Variants in BICC1 observed in about 807,000 individuals in gnomAD.
BICC1 encodes BicC family RNA binding protein 1.
A neutral mutation model predicts 111.0 loss-of-function variants in BICC1; 43 were observed. The ratio of observed to expected loss-of-function variants is 0.39; its 90% confidence interval spans 0.30 to 0.50. The LOEUF (loss-of-function observed/expected upper bound fraction) is 0.50, where lower values mean the gene tolerates loss of function less well. Among genes scored for constraint, BICC1 ranks in the 20% least tolerant of loss-of-function variants. The probability of loss-of-function intolerance (pLI) is 0.88; values close to 1 mark genes in which losing one functional copy is unlikely to be tolerated. For synonymous variants in BICC1, 467 were observed against 434.4 expected, an observed-to-expected ratio of 1.07 and a Z score of -0.93; for missense variants, 1,091 against 1,203.2, an observed-to-expected ratio of 0.91 and a Z score of 1.38.
chr10:58,816,745 C>CTGTGTGTG (rs56310772), intron 18 of BICC1, among the ~76,000 whole-genome samples: 176 of 122,156 alleles, frequency 1.4e-3, no homozygotes, highest in African/African-American at 5.1e-3. Flanking sequence ...ATCTCCAAGG[C>CTGTGTGTG]TGTGTGTGTG....
chr10:58,583,796 G>A (rs1484643388), intron 1 of BICC1, among the ~76,000 whole-genome samples: 1 of 152,052 alleles, frequency 6.6e-6, no homozygotes, highest in African/African-American at 2.4e-5. Context: ...CCCAGTAGTG[G>A]GATTGCTGGA....
At chr10:58,787,152 C>A in intron 5 of BICC1, 71 bp downstream of exon 5, 2 of 1,372,970 alleles carry the variant, frequency 1.5e-6, no homozygotes, top group Non-Finnish European at 1.9e-6. Flanking sequence ...GTTTGCCTAT[C>A]TTTTTTTTCT....
At chr10:58,675,393 T>C (rs755360942) in intron 2 of BICC1, among the ~76,000 whole-genome samples, 2 of 151,964 alleles carry the variant, frequency 1.3e-5, no homozygotes, top group Non-Finnish European at 2.9e-5. Context: ...GATGAATGGA[T>C]AAAGAAATTG....
chr10:58,694,673 C>T (rs1028363713), intron 2 of BICC1, among the ~76,000 whole-genome samples: 4 of 152,140 alleles, frequency 2.6e-5, no homozygotes, highest in Non-Finnish European at 4.4e-5. Context: ...ACCTCCTAAT[C>T]GCTGTTAACA....
chr10:58,542,800 C>CA (rs1843029454), intron 1 of BICC1, among the ~76,000 whole-genome samples: 1 of 151,660 alleles, frequency 6.6e-6, no homozygotes, highest in African/African-American at 2.4e-5. Context: ...AAATGTAACT[C>CA]AAAACCACAA....
rs766066917 is a variant in BICC1, at chr10:58,803,177, G to A, written c.2116G>A (p.Ala706Thr). Residue 706 changes from alanine (A) to threonine (T), a missense_variant, in exon 15 of 21, where the codon GCA becomes ACA. This residue lies in a region of BICC1 where 843 missense variants were observed against 900.8 expected (regional missense o/e 0.94). Coordinates refer to ENST00000373886, the MANE Select transcript of BICC1 (RefSeq NM_001080512.3). ...GAGTGAGCGCGCTGCAGAGAGGGCA[G>A]CAGCTGCCCAGCAAAACTCCGAAAG... ...PGSERAAERA[A>T]AAQQNSERAH... 5.0e-6 allele frequency: 8 copies of A among 1,611,180 alleles called. No homozygotes were observed. Among genetic ancestry groups the A allele is most frequent in the African/African-American group, 1.3e-5 (1 of 75,014 alleles).
At chr10:58,684,382 G>A (rs1270165988) in intron 2 of BICC1, among the ~76,000 whole-genome samples, 2 of 152,104 alleles carry the variant, frequency 1.3e-5, no homozygotes, top group Non-Finnish European at 2.9e-5. Context: ...GGATGATGCT[G>A]GCCTCATAAA....
At chr10:58,598,079 C>T (rs1342677839) in intron 1 of BICC1, among the ~76,000 whole-genome samples, 1 of 151,976 alleles carries the variant, frequency 6.6e-6, no homozygotes, top group African/African-American at 2.4e-5. Flanking sequence ...GATAAATGTC[C>T]ATGAAATCTT....
intron 2 of BICC1, among the ~76,000 whole-genome samples, chr10:58,669,609 A>G (rs577953439): frequency 9.2e-5 from 14 of 152,242 alleles, no homozygotes; most frequent in Non-Finnish European, 1.5e-4. Context: ...GAAACATGCA[A>G]AAATACGTTG....
chr10:58,655,872 T>A (rs1471477363), intron 2 of BICC1, among the ~76,000 whole-genome samples: 2 of 151,760 alleles, frequency 1.3e-5, no homozygotes, highest in Non-Finnish European at 2.9e-5. Flanking sequence ...ATGCCTAATT[T>A]ATTGAGAGTT....
intron 2 of BICC1, among the ~76,000 whole-genome samples, chr10:58,638,859 CTT>C (rs1382703778): frequency 0.045 from 5 of 110 alleles, no homozygotes; most frequent in African/African-American, 0.19. Flanking sequence ...CTTTTCTTTT[CTT>C]TTTTCTCTTC....
chr10:58,555,832 A>G (rs1843434951), intron 1 of BICC1, among the ~76,000 whole-genome samples: 1 of 152,172 alleles, frequency 6.6e-6, no homozygotes, highest in African/African-American at 2.4e-5. Context: ...GAAATATTTC[A>G]CCACTGTGTT....
At chr10:58,611,820 A>T (rs1845434081) in intron 1 of BICC1, among the ~76,000 whole-genome samples, 1 of 152,296 alleles carries the variant, frequency 6.6e-6, no homozygotes, top group African/African-American at 2.4e-5. Flanking sequence ...TTAAAAAACC[A>T]AGTTAAGATT....
intron 2 of BICC1, among the ~76,000 whole-genome samples, chr10:58,635,908 C>A (rs778641836): frequency 6.6e-6 from 1 of 152,178 alleles, no homozygotes; most frequent in Non-Finnish European, 1.5e-5. Flanking sequence ...TCTGGACTAG[C>A]CCAGCCTGTG....
At chr10:58,807,932 G>GCA (rs1843762183) in intron 17 of BICC1, among the ~76,000 whole-genome samples, 1 of 152,256 alleles carries the variant, frequency 6.6e-6, no homozygotes, top group South Asian at 2.1e-4. Context: ...ACCAGAGAGA[G>GCA]CACTGTAGGC....
rs772599013 is a variant in BICC1, at chr10:58,799,164, C to A, written c.1637C>A (p.Pro546His). The A allele has an allele frequency of 3.7e-6, 6 of 1,613,820 alleles. No homozygotes were observed. In the African/African-American group the frequency reaches 5.3e-5, roughly 14 times the overall value. ...PTYGHTAPSP[P>H]PGLTPVDVHI... ...TATGGGCACACAGCTCCATCTCCCC[C>A]TCCTGGCTTGACTCCTGTTGATGTC... is the stretch of plus-strand genomic sequence containing the variant. The change falls in exon 12 of 21, where the codon CCT becomes CAT. Residue 546 changes from proline (P) to histidine (H), a missense_variant. By Grantham distance (77) the Pro-to-His change is moderately conservative. Around this residue, in one of 3 missense-constraint regions of BICC1, gnomAD observed 843 missense variants for 900.8 expected, o/e 0.94. Coordinates refer to ENST00000373886, the MANE Select transcript of BICC1 (RefSeq NM_001080512.3).
At chr10:58,805,706 G>T (rs1166831661) in intron 15 of BICC1, among the ~76,000 whole-genome samples, 1 of 152,146 alleles carries the variant, frequency 6.6e-6, no homozygotes, top group Admixed American at 6.5e-5. Context: ...GATTATATAG[G>T]TACCTTATAT....
At chr10:58,687,979 T>A (rs960441744) in intron 2 of BICC1, among the ~76,000 whole-genome samples, 14 of 152,150 alleles carry the variant, frequency 9.2e-5, no homozygotes, top group Admixed American at 5.2e-4. Context: ...TTGGCCATCT[T>A]GGAACCTCCC....
Position 58,830,977 on chromosome 10 carries a change from C to T in BICC1, c.*2086C>T, listed in dbSNP as rs185624844. On this transcript the variant is annotated 3_prime_UTR_variant, in exon 21 of 21. Transcript: ENST00000373886. ...TGGAGCTCTTTTCCCAGCTGTCTAC[C>T]ATGCATTTGCAACAGGAGGAAGATG... The T allele has an allele frequency of 6.6e-5, 10 of 152,272 alleles. No individual in the cohort carries two copies. The highest frequency in any genetic ancestry group is 6.5e-4 in the Admixed American group (10 of 15,294). 9.4% of individuals were successfully genotyped at this position (152,272 alleles called of 1,614,324 possible).
Sources: gnomAD v4.1 joint callset for allele counts (sites outside exome capture counted in the v4.1 genomes callset) on GRCh38, gnomAD v4.1.1 for gene constraint, gnomAD v4.1.1 regional missense constraint, MANE v1.5 for transcripts, NCBI Gene and HGNC (gene_info 2026-07-23, HGNC 2026-07-21) for gene names.